CNTNAP4: variants seen among roughly 807,000 people sequenced by gnomAD.
CNTNAP4 encodes contactin-associated protein-like 4.
A neutral mutation model predicts 148.4 loss-of-function variants in CNTNAP4; 98 were observed. That is an observed-to-expected ratio of 0.66 (90% CI 0.56 to 0.78). The LOEUF (loss-of-function observed/expected upper bound fraction) is 0.78. Ranked by LOEUF, CNTNAP4 falls within the 30% of genes least tolerant of loss-of-function variation. The pLI is 0.00. For synonymous variants in CNTNAP4, 730 were observed against 565.1 expected, an observed-to-expected ratio of 1.29 and a Z score of -4.14; for missense variants, 1,935 against 1,565.6, an observed-to-expected ratio of 1.24 and a Z score of -3.98.
chr16:76,471,228 C>T (rs1030513312), intron 10 of CNTNAP4, among the ~76,000 whole-genome samples: 1 of 152,154 alleles, frequency 6.6e-6, no homozygotes, highest in African/African-American at 2.4e-5. Context: ...GAGTACAGAA[C>T]TGAAAAGGCA....
chr16:76,345,825 T>C lies in CNTNAP4; in HGVS notation c.197-9493T>C, dbSNP rs1383174123. Among the ~76,000 whole-genome samples the C allele has an allele frequency of 2.0e-5, 3 of 152,198 alleles. No homozygotes were observed. The East Asian group carries it at 5.8e-4, about 29-fold the overall frequency. ...ATATTAAGTTTTATAAAGTAAATGC[T>C]GTATGAAAAGGGAGGTCAGGAGCTT... On this transcript the variant is annotated intron_variant, in intron 2 of 23. Transcript: ENST00000611870.
At chr16:76,427,316 A>T in intron 3 of CNTNAP4, 136 bp from the exon 4 acceptor site, 1 of 610,498 alleles carries the variant, frequency 1.6e-6, no homozygotes, top group Non-Finnish European at 2.7e-6. Flanking sequence ...CATAACTGTT[A>T]ATGTGATTTT....
chr16:76,400,350 A>G (rs1333621196), intron 3 of CNTNAP4, among the ~76,000 whole-genome samples: 3 of 152,208 alleles, frequency 2.0e-5, no homozygotes, highest in Admixed American at 6.5e-5. Flanking sequence ...TTTGAAATAT[A>G]TAATATATTG....
intron 14 of CNTNAP4, among the ~76,000 whole-genome samples, chr16:76,496,106 T>TGTGTGTGTGC (rs1257705029): frequency 3.3e-5 from 5 of 150,640 alleles, no homozygotes; most frequent in East Asian, 2.0e-4. Context: ...TGTGTGTGTG[T>TGTGTGTGTGC]GCGTGTATTT....
chr16:76,516,356 G>T (rs1465761799), intron 15 of CNTNAP4, among the ~76,000 whole-genome samples: 1 of 152,072 alleles, frequency 6.6e-6, no homozygotes, highest in Non-Finnish European at 1.5e-5. Context: ...TGGGCATTTG[G>T]GTGGGTTCCA....
intron 2 of CNTNAP4, among the ~76,000 whole-genome samples, chr16:76,354,580 T>G (rs1168963157): frequency 1.3e-5 from 2 of 152,158 alleles, no homozygotes; most frequent in South Asian, 2.1e-4. Flanking sequence ...GTTTGCAGTT[T>G]CCGTGGTTTA....
At position 76,330,016 on chromosome 16, in the gene CNTNAP4, G is replaced by C. The variant is rs149258676; in HGVS notation, c.196+13493G>C. The stretch of plus-strand genomic sequence containing the variant: ...TGCTGTGCAGACACTTCCCACACCT[G>C]TGCTAAAGGAAAAACACATCTCAAC... On this transcript the variant is annotated intron_variant, in intron 2 of 23. Transcript: ENST00000611870. Among the ~76,000 whole-genome samples the C allele has an allele frequency of 4.7e-3, 709 of 152,196 alleles. 2 individuals carry two copies. The highest frequency in any genetic ancestry group is 0.015 in the African/African-American group (638 of 41,516).
chr16:76,376,099 G>T (rs186988856), intron 3 of CNTNAP4, among the ~76,000 whole-genome samples: 92 of 152,044 alleles, frequency 6.1e-4, no homozygotes, highest in African/African-American at 2.0e-3. Context: ...GGGGGAGGGA[G>T]AGAAAGAGTG....
rs749564184 is a variant in CNTNAP4 at position 76,316,488 on chromosome 16, A to G, written c.161A>G (p.His54Arg). 1 of 1,613,808 alleles carries G rather than the reference A, an allele frequency of 6.2e-7. No homozygotes were observed. The change falls in exon 2 of 24, where the codon CAT becomes CGT. Residue 54 changes from histidine to arginine, a missense_variant. By Grantham distance (29) the His-to-Arg change is conservative. Coordinates refer to ENST00000611870, the MANE Select transcript of CNTNAP4 (RefSeq NM_033401.5). ...FSSSSELSSS[H>R]GPGFARLNRR... ...AGTTCTTCCGAGCTCTCCAGCAGTC[A>G]TGGTCCTGGATTTGCAAGGCTGAAT...
chr16:76,559,431 C>A lies in CNTNAP4; in HGVS notation c.*748C>A, dbSNP rs140257517. Among the ~76,000 whole-genome samples, 6 of 152,210 alleles carry A rather than the reference C, an allele frequency of 3.9e-5. No individual in the cohort carries two copies. The East Asian group carries it at 1.2e-3, about 30-fold the overall frequency. ...TAAAAAAAGTTTTCCAATTAATTTGCTACCATTGTTTGATGGTGACAGTAC... is the reference window on the plus strand; with the variant it reads ...TAAAAAAAGTTTTCCAATTAATTTGATACCATTGTTTGATGGTGACAGTAC... On this transcript the variant is annotated 3_prime_UTR_variant, in exon 24 of 24. Coordinates refer to ENST00000611870, the MANE Select transcript of CNTNAP4 (RefSeq NM_033401.5).
intron 15 of CNTNAP4, among the ~76,000 whole-genome samples, chr16:76,515,832 G>A (rs2083225278): frequency 6.6e-6 from 1 of 151,940 alleles, no homozygotes; most frequent in African/African-American, 2.4e-5. Context: ...ACAAAATACT[G>A]GTCAGTATAT....
intron 3 of CNTNAP4, among the ~76,000 whole-genome samples, chr16:76,402,484 A>G (rs2078454417): frequency 6.6e-6 from 1 of 151,202 alleles, no homozygotes; most frequent in Admixed American, 6.6e-5. Context: ...AATTTTTATT[A>G]TCTTACTAAT....
chr16:76,517,695 A>T (rs2083301869), intron 15 of CNTNAP4, among the ~76,000 whole-genome samples: 1 of 152,210 alleles, frequency 6.6e-6, no homozygotes, highest in South Asian at 2.1e-4. Flanking sequence ...TGCACAATTC[A>T]GTAATATAAA....
chr16:76,489,706 C>G lies in CNTNAP4; in HGVS notation c.1903C>G (p.Gln635Glu), dbSNP rs777666220. The part of the protein sequence containing the change: ...NMTETAWTII[Q>E]HNGSDLTRVR... ...ACAAGAAACTGCATGGACCATCATA[C>G]AGCACAACGGCTCTGACTTAACAAG... Residue 635 changes from glutamine to glutamate, a missense_variant, in exon 13 of 24, where the codon CAG becomes GAG. Transcript: ENST00000611870. The G allele has an allele frequency of 6.3e-7, 1 of 1,597,860 alleles. No homozygotes were observed. The highest frequency in any genetic ancestry group is 1.7e-5 in the Admixed American group (1 of 58,886).
chr16:76,401,701 T>G (rs576119797), intron 3 of CNTNAP4, among the ~76,000 whole-genome samples: 6 of 152,228 alleles, frequency 3.9e-5, no homozygotes, highest in African/African-American at 1.4e-4. Flanking sequence ...AGCTTTTATT[T>G]TGAAGTATGT....
chr16:76,429,147 A>G (rs927343075), intron 4 of CNTNAP4, among the ~76,000 whole-genome samples: 9 of 152,166 alleles, frequency 5.9e-5, no homozygotes, highest in Non-Finnish European at 1.2e-4. Context: ...TAGCTACACC[A>G]TGTTAGTTCC....
At chr16:76,310,591 C>A (rs1406568821) in intron 1 of CNTNAP4, among the ~76,000 whole-genome samples, 1 of 152,132 alleles carries the variant, frequency 6.6e-6, no homozygotes, top group Non-Finnish European at 1.5e-5. Context: ...AAGGTCTCAC[C>A]CTGCCTCTGG....
intron 17 of CNTNAP4, among the ~76,000 whole-genome samples, chr16:76,531,648 C>T (rs2083989675): frequency 6.6e-6 from 1 of 152,142 alleles, no homozygotes; most frequent in Non-Finnish European, 1.5e-5. Flanking sequence ...TTTAATTGGA[C>T]ACACTCTAAC....
At chr16:76,435,491 T>G (rs1409575815) in intron 4 of CNTNAP4, among the ~76,000 whole-genome samples, 1 of 152,110 alleles carries the variant, frequency 6.6e-6, no homozygotes, top group Non-Finnish European at 1.5e-5. Flanking sequence ...TTATTTAAAT[T>G]TTGTCGTTGA....
Sources: allele counts gnomAD v4.1 joint callset (sites outside exome capture counted in the v4.1 genomes callset), GRCh38; gene constraint gnomAD v4.1.1; transcripts MANE v1.5; gene names NCBI Gene and HGNC (gene_info 2026-07-23, HGNC 2026-07-21).